Variants in WWC1 observed in about 807,000 individuals in gnomAD.
WWC1 encodes protein KIBRA.
WWC1 carries 55 observed loss-of-function variants against 138.4 expected under a neutral mutation model. That is an observed-to-expected ratio of 0.40 (90% confidence interval 0.32 to 0.50). The LOEUF (loss-of-function observed/expected upper bound fraction) is 0.50, where lower values mean the gene tolerates loss of function less well. Ranked by LOEUF, WWC1 falls within the 20% of genes least tolerant of loss-of-function variation. The probability of loss-of-function intolerance (pLI) is 0.72; values close to 1 mark genes in which losing one functional copy is unlikely to be tolerated. For synonymous variants in WWC1, 524 were observed against 564.9 expected (o/e 0.93, Z 1.03); for missense variants, 1,226 against 1,420.4 (o/e 0.86, Z 2.20).
Position 168,406,339 on chromosome 5 carries a change from C to A in WWC1, c.720+12C>A, listed in dbSNP as rs1335557638. On this transcript the variant is annotated intron_variant, in intron 6 of 22. Coordinates refer to ENST00000265293, the MANE Select transcript of WWC1 (RefSeq NM_015238.3). ...AAGATCTCATTAAGGTATGCAAGTT[C>A]CTGTTGATGTGGGTGCCATCTTGAT... is the stretch of plus-strand genomic sequence containing the variant. The A allele has an allele frequency of 1.2e-6, 2 of 1,613,084 alleles. No individual in the cohort carries two copies. Among genetic ancestry groups the A allele is most frequent in the South Asian group, 2.2e-5 (2 of 90,988 alleles).
At chr5:168,388,883 T>A (rs1778244780) in intron 3 of WWC1, among the ~76,000 whole-genome samples, 1 of 151,886 alleles carries the variant, frequency 6.6e-6, no homozygotes, top group Non-Finnish European at 1.5e-5. Flanking sequence ...GACACATTGA[T>A]GGCTTTGAAT....
intron 7 of WWC1, among the ~76,000 whole-genome samples, chr5:168,409,401 A>T (rs1394322105): frequency 6.6e-6 from 1 of 152,164 alleles, no homozygotes; most frequent in Non-Finnish European, 1.5e-5. Context: ...TTCCTTCCCC[A>T]TACCACCATG....
At chr5:168,412,161 G>T in intron 8 of WWC1, 8 of 985,408 alleles carry the variant, frequency 8.1e-6, no homozygotes, top group Non-Finnish European at 9.6e-6. Flanking sequence ...GGACTGCAGT[G>T]CTCTCTCTGG....
intron 1 of WWC1, among the ~76,000 whole-genome samples, chr5:168,367,563 C>T (rs1252836247): frequency 6.6e-6 from 1 of 151,638 alleles, no homozygotes; most frequent in Non-Finnish European, 1.5e-5. Context: ...TCGTGATCCG[C>T]CCGCCTCGGC....
At chr5:168,436,074 C>T (rs1782328325) in intron 15 of WWC1, among the ~76,000 whole-genome samples, 1 of 152,102 alleles carries the variant, frequency 6.6e-6, no homozygotes, top group African/African-American at 2.4e-5. Context: ...AACTTCTGAC[C>T]TCAAGCGATC....
intron 1 of WWC1, among the ~76,000 whole-genome samples, chr5:168,347,062 C>T (rs1027613373): frequency 4.6e-5 from 7 of 152,158 alleles, no homozygotes; most frequent in Non-Finnish European, 8.8e-5. Flanking sequence ...GAGTCTGTGA[C>T]ACTGGGCTCA....
At chr5:168,459,603 G>A (rs980665581) in intron 19 of WWC1, among the ~76,000 whole-genome samples, 1 of 152,192 alleles carries the variant, frequency 6.6e-6, no homozygotes, top group Non-Finnish European at 1.5e-5. Flanking sequence ...CCATGTGGCA[G>A]TCATTATTTT....
At chr5:168,465,953 G>A (rs1393122292) in intron 21 of WWC1, among the ~76,000 whole-genome samples, 1 of 152,126 alleles carries the variant, frequency 6.6e-6, no homozygotes. Flanking sequence ...GTGGAGGAAG[G>A]CAAGGGAACT....
At chr5:168,448,328 G>A (rs563414220) in intron 17 of WWC1, among the ~76,000 whole-genome samples, 22 of 152,276 alleles carry the variant, frequency 1.4e-4, no homozygotes, top group African/African-American at 2.9e-4. Flanking sequence ...CCCAAAACCC[G>A]GCGTGTCACT....
intron 5 of WWC1, among the ~76,000 whole-genome samples, chr5:168,400,652 A>T (rs1317880600): frequency 6.6e-6 from 1 of 152,166 alleles, no homozygotes; most frequent in Non-Finnish European, 1.5e-5. Context: ...TACTCAAGAA[A>T]GGTTAGCTTA....
At position 168,311,463 on chromosome 5, in the gene WWC1, C is replaced by T. The variant is rs111251127; in HGVS notation, c.119+19192C>T. 4.4e-3 allele frequency among the ~76,000 whole-genome samples: 665 copies of T among 152,332 alleles called. 3 individuals are homozygous for T. Among genetic ancestry groups the T allele is most frequent in the African/African-American group, 0.012 (517 of 41,588 alleles). ...CTACCCACCTATGTCATGGTTTCCTCTGCCTCCTAAAACCCTCATTTATGA... is the reference window on the plus strand; with the variant it reads ...CTACCCACCTATGTCATGGTTTCCTTTGCCTCCTAAAACCCTCATTTATGA... On this transcript the variant is annotated intron_variant, in intron 1 of 22. Coordinates refer to ENST00000265293, the MANE Select transcript of WWC1 (RefSeq NM_015238.3).
intron 7 of WWC1, 132 bp from the exon 8 acceptor site, chr5:168,409,790 C>A: frequency 2.3e-6 from 2 of 874,770 alleles, no homozygotes; most frequent in Non-Finnish European, 3.8e-6. Flanking sequence ...ATCTGCACCG[C>A]CAGCCCAGTC....
At chr5:168,414,629 C>T (rs1376506810) in intron 9 of WWC1, 39 bp downstream of exon 9, 1 of 1,517,756 alleles carries the variant, frequency 6.6e-7, no homozygotes, top group South Asian at 1.3e-5. Context: ...ACCCTTCTCT[C>T]ACTGGCAGTC....
chr5:168,426,470 C>T lies in WWC1; in HGVS notation c.1811-1563C>T, dbSNP rs149315247. 2.0e-3 allele frequency among the ~76,000 whole-genome samples: 309 copies of T among 152,284 alleles called. 1 individual carries two copies. In the Middle Eastern group the frequency reaches 0.027, roughly 13 times the overall value. ...CATTAGGCTGGGCACACACAGGTCT[C>T]GGGATGGCATTTCCTTCATGCCATC... On this transcript the variant is annotated intron_variant, in intron 11 of 22. Transcript: ENST00000265293.
intron 8 of WWC1, among the ~76,000 whole-genome samples, chr5:168,413,007 AG>A (rs1442486616): frequency 6.6e-6 from 1 of 152,194 alleles, no homozygotes; most frequent in African/African-American, 2.4e-5. Context: ...AAGCAAATCT[AG>A]GTATGTTTTT....
At chr5:168,442,486 G>A (rs888123381) in intron 16 of WWC1, among the ~76,000 whole-genome samples, 3 of 149,420 alleles carry the variant, frequency 2.0e-5, no homozygotes, top group Non-Finnish European at 4.4e-5. Flanking sequence ...TTTTTATGAT[G>A]CTTTGAAGAA....
At chr5:168,368,722 G>A (rs1481783331) in intron 1 of WWC1, among the ~76,000 whole-genome samples, 1 of 152,182 alleles carries the variant, frequency 6.6e-6, no homozygotes, top group Non-Finnish European at 1.5e-5. Flanking sequence ...GTTAGATGAG[G>A]CTTTGCTCTT....
chr5:168,418,800 C>T (rs1780861634), intron 9 of WWC1, among the ~76,000 whole-genome samples: 1 of 152,086 alleles, frequency 6.6e-6, no homozygotes, highest in African/African-American at 2.4e-5. Context: ...TGTTCCTGAG[C>T]TTTCCTTTTA....
At chr5:168,430,278 C>T (rs1781839235) in intron 14 of WWC1, 55 bp downstream of exon 14, 2 of 1,490,930 alleles carry the variant, frequency 1.3e-6, no homozygotes, top group Admixed American at 1.8e-5. Flanking sequence ...GGAGTTACCC[C>T]TGGGGGTCAC....
Sources: allele counts gnomAD v4.1 joint callset (sites outside exome capture counted in the v4.1 genomes callset), GRCh38; gene constraint gnomAD v4.1.1; transcripts MANE v1.5; gene names NCBI Gene and HGNC (gene_info 2026-07-23, HGNC 2026-07-21).